The following SUGCT variants were observed in gnomAD, a reference collection of about 807,000 sequenced individuals.
SUGCT encodes succinyl-CoA:glutarate CoA-transferase.
SUGCT carries 41 observed loss-of-function variants against 55.0 expected under a neutral mutation model. That is an observed-to-expected ratio of 0.74 (90% confidence interval 0.58 to 0.97). The LOEUF is 0.97. Among genes scored for constraint, SUGCT ranks in the 50% least tolerant of loss-of-function variants. SUGCT has a pLI of 0.00. For missense variants in SUGCT, 568 were observed against 547.8 expected, an observed-to-expected ratio of 1.04 and a Z score of -0.37; for synonymous variants, 187 against 200.4, an observed-to-expected ratio of 0.93 and a Z score of 0.56.
chr7:40,615,719 C>T (rs1325514518), intron 12 of SUGCT, among the ~76,000 whole-genome samples: 2 of 152,162 alleles, frequency 1.3e-5, no homozygotes, highest in African/African-American at 4.8e-5. Context: ...AGCGAAAACA[C>T]AAGGATCATT....
At chr7:40,557,978 A>G (rs1309136657) in intron 12 of SUGCT, among the ~76,000 whole-genome samples, 1 of 152,022 alleles carries the variant, frequency 6.6e-6, no homozygotes, top group Non-Finnish European at 1.5e-5. Flanking sequence ...AAGAAGATAA[A>G]CAGATGAAAA....
intron 6 of SUGCT, among the ~76,000 whole-genome samples, chr7:40,226,487 GA>G (rs755232348): frequency 5.3e-5 from 8 of 151,866 alleles, no homozygotes; most frequent in Non-Finnish European, 1.0e-4. Context: ...AAAACACAAA[GA>G]CCAAAAACGC....
chr7:40,535,282 A>G (rs543143226), intron 12 of SUGCT, among the ~76,000 whole-genome samples: 3 of 152,222 alleles, frequency 2.0e-5, no homozygotes, highest in East Asian at 3.9e-4. Context: ...ATGATACTCA[A>G]TAGTTAGTTG....
At chr7:40,818,560 A>C (rs993334136) in intron 13 of SUGCT, among the ~76,000 whole-genome samples, 1 of 152,178 alleles carries the variant, frequency 6.6e-6, no homozygotes, top group African/African-American at 2.4e-5. Context: ...TATCATGGAC[A>C]TTAATAATGT....
rs563801129 is a variant in SUGCT at position 40,235,374 on chromosome 7, C to T, written c.485-2261C>T. On this transcript the variant is annotated intron_variant, in intron 6 of 13. Transcript: ENST00000335693. ...ACAGACTCTCACTCTATTGCCCAGG[C>T]TGGAGTGCAGTGGCATGAACTTGGC... Among the ~76,000 whole-genome samples the T allele has an allele frequency of 2.6e-5, 4 of 152,302 alleles. No homozygotes were observed. The East Asian group carries it at 7.7e-4, about 29-fold the overall frequency.
Position 40,389,215 on chromosome 7 carries a change from C to T in SUGCT, c.817-60072C>T, listed in dbSNP as rs373995013. On this transcript the variant is annotated intron_variant, in intron 9 of 13. Transcript: ENST00000335693. Reference sequence around the variant, plus strand: ...CTGTAATCCTAGCATTTTGGGAGGCCGAGGCAGGTGGATTGCTTAAGTTCA... The same window carrying T: ...CTGTAATCCTAGCATTTTGGGAGGCTGAGGCAGGTGGATTGCTTAAGTTCA... Among the ~76,000 whole-genome samples the T allele has an allele frequency of 5.9e-5, 9 of 152,114 alleles. No homozygotes were observed. The South Asian group carries it at 1.2e-3, about 21-fold the overall frequency.
chr7:40,837,656 T>G (rs899865241), intron 13 of SUGCT, among the ~76,000 whole-genome samples: 2 of 152,174 alleles, frequency 1.3e-5, no homozygotes, highest in Non-Finnish European at 2.9e-5. Flanking sequence ...CAATCTCAGC[T>G]TACTGCAACC....
chr7:40,481,207 G>A (rs1283291642), intron 11 of SUGCT, among the ~76,000 whole-genome samples: 2 of 152,052 alleles, frequency 1.3e-5, no homozygotes, highest in Non-Finnish European at 1.5e-5. Context: ...GCATGGTGGC[G>A]TGCACCTGTA....
chr7:40,933,301 T>A, the SUGCT span, among the ~76,000 whole-genome samples: 2 of 152,208 alleles, frequency 1.3e-5, no homozygotes, highest in African/African-American at 4.8e-5. Flanking sequence ...CCGAGAGATC[T>A]GCTGTTAGTC....
intron 11 of SUGCT, among the ~76,000 whole-genome samples, chr7:40,484,529 T>A (rs565869408): frequency 1.3e-5 from 2 of 152,230 alleles, no homozygotes; most frequent in Non-Finnish European, 2.9e-5. Context: ...TTTGTTAATA[T>A]CTAATGAGTC....
chr7:40,694,034 TGTA>T (rs1174538191), intron 12 of SUGCT, among the ~76,000 whole-genome samples: 1 of 152,212 alleles, frequency 6.6e-6, no homozygotes, highest in African/African-American at 2.4e-5. Context: ...AGATATTTCT[TGTA>T]GTGCATTTTC....
At chr7:40,467,179 C>T (rs1302029650) in intron 11 of SUGCT, among the ~76,000 whole-genome samples, 4 of 121,222 alleles carry the variant, frequency 3.3e-5, no homozygotes, top group African/African-American at 6.8e-5. Flanking sequence ...TCCAGCCTAG[C>T]GACAGAGCAA....
intron 7 of SUGCT, among the ~76,000 whole-genome samples, chr7:40,259,861 A>G (rs545435992): frequency 6.6e-6 from 1 of 152,340 alleles, no homozygotes; most frequent in Non-Finnish European, 1.5e-5. Context: ...TTATTTAGTC[A>G]TTGAACTCCT....
At chr7:40,995,382 G>A in the SUGCT span, among the ~76,000 whole-genome samples, 207 of 145,580 alleles carry the variant, frequency 1.4e-3, no homozygotes, top group African/African-American at 4.9e-3. Flanking sequence ...TATAATAGCT[G>A]TTATTATTAT....
chr7:40,489,099 T>G (rs763513087), intron 11 of SUGCT, among the ~76,000 whole-genome samples: 20 of 152,146 alleles, frequency 1.3e-4, no homozygotes, highest in Non-Finnish European at 2.6e-4. Context: ...CAACAACTGC[T>G]CTTTTAATGT....
At position 40,173,913 on chromosome 7, in the gene SUGCT, C is replaced by CTGTGTGTG. The variant is rs34789334; in HGVS notation, c.101-7006_101-6999dup. On this transcript the variant is annotated intron_variant, in intron 1 of 13. Transcript: ENST00000335693. ...ATAATTTATTTATATAATGTATATC[C>CTGTGTGTG]TGTGTGTGTGTGTGTGTGTGTGTGT... Among the ~76,000 whole-genome samples the CTGTGTGTG allele has an allele frequency of 3.9e-3, 562 of 144,020 alleles. 4 individuals are homozygous for CTGTGTGTG. Among genetic ancestry groups the CTGTGTGTG allele is most frequent in the African/African-American group, 0.014 (533 of 39,354 alleles). The allele number at this position is 144,020 out of a possible 152,430, so 94.5% of individuals were successfully genotyped here.
At chr7:40,847,519 C>T (rs1211509) in intron 13 of SUGCT, among the ~76,000 whole-genome samples, 10 of 148,092 alleles carry the variant, frequency 6.8e-5, no homozygotes, top group Admixed American at 1.4e-4. Context: ...CGGGTTCAAG[C>T]GATTCTCCTG....
chr7:40,185,095 G>A (rs1434755695), intron 3 of SUGCT, among the ~76,000 whole-genome samples: 1 of 152,192 alleles, frequency 6.6e-6, no homozygotes, highest in East Asian at 1.9e-4. Flanking sequence ...TGCTCCCAGA[G>A]ATGATGCTTT....
In SUGCT at chr7:40,847,028, A is replaced by G. The variant is rs116374695; in HGVS notation, c.1154-13288A>G. 2.5e-3 allele frequency among the ~76,000 whole-genome samples: 379 copies of G among 152,302 alleles called. 3 individuals are homozygous for G. The highest frequency in any genetic ancestry group is 8.6e-3 in the African/African-American group (359 of 41,568). ...TAGTATCATCATTCCACTGGCCAAA[A>G]TTGGCTACACACAAAATGAGCCATT... On this transcript the variant is annotated intron_variant, in intron 13 of 13. Transcript: ENST00000335693.
Sources: gnomAD v4.1 joint callset for allele counts (sites outside exome capture counted in the v4.1 genomes callset) on GRCh38, gnomAD v4.1.1 for gene constraint, MANE v1.5 for transcripts, NCBI Gene and HGNC (gene_info 2026-07-23, HGNC 2026-07-21) for gene names.